The following CRB1 variants were observed in gnomAD, a reference collection of about 807,000 sequenced individuals.
CRB1 encodes the protein crumbs cell polarity complex component 1, also known as protein crumbs homolog 1.
A neutral mutation model predicts 120.0 loss-of-function variants in CRB1; 83 were observed. The ratio of observed to expected loss-of-function variants is 0.69; its 90% CI spans 0.58 to 0.83. The LOEUF (loss-of-function observed/expected upper bound fraction) is 0.83, where lower values mean the gene tolerates loss of function less well. Among genes scored for constraint, CRB1 ranks in the 40% least tolerant of loss-of-function variants. The pLI is 0.00. For missense variants in CRB1, 1,699 were observed against 1,687.6 expected (o/e 1.01, Z -0.12); for synonymous variants, 625 against 612.5 (o/e 1.02, Z -0.30).
the CRB1 span, among the ~76,000 whole-genome samples, chr1:197,227,728 C>T: frequency 3.3e-5 from 5 of 152,104 alleles, no homozygotes; most frequent in Non-Finnish European, 4.4e-5. Flanking sequence ...CACAGCTCCA[C>T]GAGGCAGTGC....
At chr1:197,287,717 T>C (rs942595721) in intron 1 of CRB1, among the ~76,000 whole-genome samples, 1 of 151,730 alleles carries the variant, frequency 6.6e-6, no homozygotes, top group African/African-American at 2.4e-5. Context: ...GAAAAAGAAA[T>C]ACAACTAGCC....
chr1:197,378,386 C>G (rs1661760083), intron 5 of CRB1, among the ~76,000 whole-genome samples: 1 of 152,176 alleles, frequency 6.6e-6, no homozygotes, highest in Non-Finnish European at 1.5e-5. Context: ...TGATATCTTA[C>G]AGCTACAGAT....
intron 1 of CRB1, among the ~76,000 whole-genome samples, chr1:197,276,903 A>T (rs1472314301): frequency 6.6e-6 from 1 of 151,990 alleles, no homozygotes; most frequent in Non-Finnish European, 1.5e-5. Context: ...CTACAAGGGG[A>T]TACAACTGAG....
chr1:197,324,484 TC>T (rs1431939339), intron 1 of CRB1, among the ~76,000 whole-genome samples: 3 of 152,188 alleles, frequency 2.0e-5, no homozygotes, highest in African/African-American at 7.2e-5. Context: ...GTGTATTATC[TC>T]TTTTATTCCT....
At chr1:197,217,784 T>C in the CRB1 span, among the ~76,000 whole-genome samples, 1 of 152,172 alleles carries the variant, frequency 6.6e-6, no homozygotes, top group Non-Finnish European at 1.5e-5. Context: ...ATCCATCAAA[T>C]TGCACGTATT....
chr1:197,228,431 C>T, the CRB1 span, among the ~76,000 whole-genome samples: 6 of 152,186 alleles, frequency 3.9e-5, no homozygotes, highest in East Asian at 1.9e-4. Context: ...ATCTCTAGGG[C>T]GGGGCAATAT....
intron 5 of CRB1, among the ~76,000 whole-genome samples, chr1:197,409,627 G>C (rs959362902): frequency 6.6e-6 from 1 of 152,066 alleles, no homozygotes; most frequent in East Asian, 1.9e-4. Flanking sequence ...TCAGGAGTCA[G>C]GCAGACTGAG....
intron 7 of CRB1, among the ~76,000 whole-genome samples, chr1:197,428,629 TAC>T (rs1664718192): frequency 6.6e-6 from 1 of 152,224 alleles, no homozygotes; most frequent in Non-Finnish European, 1.5e-5. Flanking sequence ...ACTATGGCCC[TAC>T]ACTAAGCTTG....
the CRB1 span, among the ~76,000 whole-genome samples, chr1:197,210,443 C>G: frequency 1.3e-5 from 2 of 152,168 alleles, no homozygotes; most frequent in African/African-American, 2.4e-5. Flanking sequence ...GAAACCCTAA[C>G]TGAGTTTTCA....
the CRB1 span, among the ~76,000 whole-genome samples, chr1:197,242,115 T>G: frequency 1.6e-4 from 24 of 152,178 alleles, no homozygotes; most frequent in African/African-American, 5.8e-4. Context: ...TTTCTAAATA[T>G]ACAATTATGT....
chr1:197,255,401 G>A, the CRB1 span, among the ~76,000 whole-genome samples: 64 of 151,996 alleles, frequency 4.2e-4, no homozygotes, highest in Non-Finnish European at 7.7e-4. Flanking sequence ...GCTGCACTGG[G>A]TATCCTGCCA....
At chr1:197,352,392 T>C (rs1051804584) in intron 4 of CRB1, among the ~76,000 whole-genome samples, 2 of 152,206 alleles carry the variant, frequency 1.3e-5, no homozygotes, top group African/African-American at 4.8e-5. Flanking sequence ...AAAGGATTTA[T>C]GATGATTCTA....
intron 1 of CRB1, among the ~76,000 whole-genome samples, chr1:197,309,912 C>G (rs2125269952): frequency 6.6e-6 from 1 of 152,234 alleles, no homozygotes; most frequent in South Asian, 2.1e-4. Context: ...CAACCCTCTT[C>G]TAGCACAATG....
At chr1:197,219,971 A>C in the CRB1 span, among the ~76,000 whole-genome samples, 1 of 152,210 alleles carries the variant, frequency 6.6e-6, no homozygotes, top group African/African-American at 2.4e-5. Context: ...TTCTCTGACT[A>C]GGATAATGAC....
chr1:197,382,936 C>T (rs936325610), intron 5 of CRB1, among the ~76,000 whole-genome samples: 1 of 152,136 alleles, frequency 6.6e-6, no homozygotes. Context: ...AGGATGCAGA[C>T]CTGCTCCAAA....
At chr1:197,333,723 G>A (rs1658991635) in intron 2 of CRB1, among the ~76,000 whole-genome samples, 2 of 152,204 alleles carry the variant, frequency 1.3e-5, no homozygotes, top group African/African-American at 2.4e-5. Flanking sequence ...TCATCATATA[G>A]TGAAGGAAAT....
At chr1:197,202,115 A>G in the CRB1 span, among the ~76,000 whole-genome samples, 3 of 152,084 alleles carry the variant, frequency 2.0e-5, no homozygotes, top group Admixed American at 2.0e-4. Context: ...CTGAGACAAA[A>G]TAGGATGGGT....
intron 5 of CRB1, among the ~76,000 whole-genome samples, chr1:197,403,982 G>T (rs1222660858): frequency 6.6e-6 from 1 of 152,140 alleles, no homozygotes; most frequent in Non-Finnish European, 1.5e-5. Flanking sequence ...ACCATCTGTT[G>T]TAATAATACT....
chr1:197,348,885 C>G (rs552797688), intron 4 of CRB1, among the ~76,000 whole-genome samples: 16 of 144,082 alleles, frequency 1.1e-4, no homozygotes, highest in African/African-American at 4.4e-4. Context: ...TAAAAAAGTT[C>G]TAGTACACTA....
Sources: gnomAD v4.1 joint callset for allele counts (sites outside exome capture counted in the v4.1 genomes callset) on GRCh38, gnomAD v4.1.1 for gene constraint, MANE v1.5 for transcripts, NCBI Gene and HGNC (gene_info 2026-07-23, HGNC 2026-07-21) for gene names.